Variants in PDE2A observed in about 807,000 individuals in gnomAD.
PDE2A encodes the protein cGMP-dependent 3',5'-cyclic phosphodiesterase.
Under a neutral mutation model 133.6 loss-of-function variants are expected in PDE2A, and 53 were observed. That is an observed-to-expected ratio of 0.40 (90% CI 0.32 to 0.50). The LOEUF (loss-of-function observed/expected upper bound fraction) is 0.50. Ranked by LOEUF, PDE2A falls within the 20% of genes least tolerant of loss-of-function variation. PDE2A has a pLI of 0.73. For synonymous variants in PDE2A, 491 were observed against 490.2 expected (o/e 1.00, Z -0.02); for missense variants, 796 against 1,232.4 (o/e 0.65, Z 5.30).
chr11:72,589,063 C>A, intron 12 of PDE2A, 112 bp downstream of exon 12: 1 of 1,237,436 alleles, frequency 8.1e-7, no homozygotes, highest in Non-Finnish European at 1.2e-6. Flanking sequence ...GTAGAAAGTC[C>A]CCAGGTCTTA....
intron 1 of PDE2A, among the ~76,000 whole-genome samples, chr11:72,657,491 C>T (rs1406796312): frequency 6.6e-6 from 1 of 152,192 alleles, no homozygotes; most frequent in Non-Finnish European, 1.5e-5. Context: ...ACTCCTCCAT[C>T]TCCCTCAGGC....
At chr11:72,627,051 C>T (rs1259294951) in intron 2 of PDE2A, among the ~76,000 whole-genome samples, 1 of 152,204 alleles carries the variant, frequency 6.6e-6, no homozygotes, top group Non-Finnish European at 1.5e-5. Context: ...CCCTCTCCAT[C>T]CTTCAAAGTT....
rs877133 is a variant in PDE2A, at chr11:72,636,979, C to G, written c.144+5275G>C. On this transcript the variant is annotated intron_variant, in intron 2 of 30. Coordinates refer to ENST00000334456, the MANE Select transcript of PDE2A (RefSeq NM_002599.5). Reference sequence around the variant, plus strand: ...GCCAGCTTTACCAGTCCCCATCCCCCCGGACCCAGCCGGCTGGCACCCAGG... The same window carrying G: ...GCCAGCTTTACCAGTCCCCATCCCCGCGGACCCAGCCGGCTGGCACCCAGG... 8.3e-3 allele frequency among the ~76,000 whole-genome samples: 1,271 copies of G among 152,350 alleles called. 14 individuals are homozygous for G. Among genetic ancestry groups the G allele is most frequent in the African/African-American group, 0.029 (1,197 of 41,582 alleles).
chr11:72,657,789 C>T (rs1854938703), intron 1 of PDE2A: 1 of 454,326 alleles, frequency 2.2e-6, no homozygotes, highest in Non-Finnish European at 4.4e-6. Context: ...GCCCTTCCCT[C>T]AGCCTCCCAA....
At chr11:72,609,093 A>T (rs1016360257) in intron 2 of PDE2A, among the ~76,000 whole-genome samples, 1 of 152,148 alleles carries the variant, frequency 6.6e-6, no homozygotes, top group African/African-American at 2.4e-5. Flanking sequence ...CAAGGCTCCA[A>T]ATTAAAACAA....
At chr11:72,631,070 G>C (rs1477209318) in intron 2 of PDE2A, 1 of 1,541,078 alleles carries the variant, frequency 6.5e-7, no homozygotes, top group Non-Finnish European at 8.8e-7. Flanking sequence ...CCTCCACTGA[G>C]CTCTCACCTC....
At position 72,590,297 on chromosome 11, in the gene PDE2A, C is replaced by G. The variant is rs1856178269; in HGVS notation, c.704-53G>C. Reference sequence around the variant, plus strand: ...GAGGGCCCCTCCGCACCTCCGTGTCCGGGTCCCTCAGGCGCCGCTCAGCTC... The same window carrying G: ...GAGGGCCCCTCCGCACCTCCGTGTCGGGGTCCCTCAGGCGCCGCTCAGCTC... On this transcript the variant is annotated intron_variant, in intron 8 of 30. Coordinates refer to ENST00000334456, the MANE Select transcript of PDE2A (RefSeq NM_002599.5). The surrounding 1 kb of genome is among the most constrained non-coding windows in gnomAD (Gnocchi z 4.8). The G allele has an allele frequency of 1.3e-6, 2 of 1,542,824 alleles. No homozygotes were observed. Among genetic ancestry groups the G allele is most frequent in the Non-Finnish European group, 8.8e-7 (1 of 1,139,830 alleles).
Position 72,605,158 on chromosome 11 carries a change from C to A in PDE2A, c.303G>T (p.Leu101=), listed in dbSNP as rs775895480. 2 of 1,609,878 alleles carry A rather than the reference C, an allele frequency of 1.2e-6. No individual in the cohort carries two copies. The highest frequency in any genetic ancestry group is 1.7e-6 in the Non-Finnish European group (2 of 1,177,382). The part of the protein sequence containing the change: ...QLVCEDPPHE[L]PQEGKVREAI... ...CTCACCGGACTTTCCCCTCCTGGGG[C>A]AGCTCATGTGGGGGGTCCTCACACA... Residue 101 remains leucine, a synonymous_variant, in exon 4 of 31, where the codon CTG becomes CTT. Coordinates refer to ENST00000334456, the MANE Select transcript of PDE2A (RefSeq NM_002599.5).
rs1252207508 is a variant in PDE2A, at chr11:72,582,477, G to A, written c.1818C>T (p.Thr606=). Residue 606 remains threonine (T), a synonymous_variant, in exon 21 of 31, where the codon ACC becomes ACT. Coordinates refer to ENST00000334456, the MANE Select transcript of PDE2A (RefSeq NM_002599.5). Reference sequence around the variant, plus strand: ...TGTCATCCTCGGGCAGGGAACGAGGGGTATAGGTGAAACTTGCAAAATTGG... The same window carrying A: ...TGTCATCCTCGGGCAGGGAACGAGGAGTATAGGTGAAACTTGCAAAATTGG... ...IDSNFASFTY[T]PRSLPEDDTS... is the part of the protein sequence containing the mutation. 9 of 1,613,914 alleles carry A rather than the reference G, an allele frequency of 5.6e-6. No homozygotes were observed. The South Asian group carries it at 7.7e-5, about 14-fold the overall frequency.
rs372889033 is a variant in PDE2A, at chr11:72,586,061, G to A, written c.1182+9C>T. ...GGTGCCCGAGAGAGGCTGAAGGCAG[G>A]TCACTCACCTGGCACTCACACTTGA... On this transcript the variant is annotated intron_variant, in intron 14 of 30. Transcript: ENST00000334456. 7.2e-6 allele frequency: 11 copies of A among 1,536,434 alleles called. No homozygotes were observed. Among genetic ancestry groups the A allele is most frequent in the Non-Finnish European group, 9.9e-6 (11 of 1,114,504 alleles).
At position 72,578,181 on chromosome 11, in the gene PDE2A, C is replaced by G; in HGVS notation, c.2615+52G>C. ...CTGTGTTTCCTGTGATGTCCCCACT[C>G]CAGCCTACCCTCTCTGTGCAGGGTG... On this transcript the variant is annotated intron_variant, in intron 30 of 30. Coordinates refer to ENST00000334456, the MANE Select transcript of PDE2A (RefSeq NM_002599.5). The surrounding 1 kb of genome is among the most constrained non-coding windows in gnomAD (Gnocchi z 4.2). The G allele has an allele frequency of 1.7e-6, 2 of 1,182,976 alleles. No individual in the cohort carries two copies. Among genetic ancestry groups the G allele is most frequent in the East Asian group, 2.3e-5 (1 of 43,028 alleles). 73.3% of individuals were successfully genotyped at this position (1,182,976 alleles called of 1,614,324 possible). A position where few individuals can be genotyped will look rare whatever the true frequency, so the allele number is the denominator to read the frequency against.
chr11:72,579,812 T>C, intron 25 of PDE2A: 1 of 561,630 alleles, frequency 1.8e-6, no homozygotes, highest in Non-Finnish European at 3.2e-6. Flanking sequence ...TAGACCACTC[T>C]GAGCCTCAGA....
intron 6 of PDE2A, among the ~76,000 whole-genome samples, chr11:72,596,245 G>T (rs1856471988): frequency 6.6e-6 from 1 of 152,158 alleles, no homozygotes; most frequent in Admixed American, 6.5e-5. Flanking sequence ...ACCAAGGTTA[G>T]TGCTGCGTAC....
intron 16 of PDE2A, 43 bp downstream of exon 16, chr11:72,585,328 G>C: frequency 1.3e-6 from 2 of 1,546,586 alleles, no homozygotes; most frequent in South Asian, 2.2e-5. Context: ...GGGACTGAAG[G>C]CCACAGCCTC....
At chr11:72,624,861 A>G (rs1159002311) in intron 2 of PDE2A, among the ~76,000 whole-genome samples, 1 of 152,164 alleles carries the variant, frequency 6.6e-6, no homozygotes, top group Non-Finnish European at 1.5e-5. Flanking sequence ...GTACCCTATG[A>G]TCATGGTCAC....
intron 1 of PDE2A, among the ~76,000 whole-genome samples, chr11:72,653,483 A>G (rs1317858469): frequency 2.0e-5 from 3 of 152,122 alleles, no homozygotes; most frequent in East Asian, 3.9e-4. Context: ...CCCGACTCCC[A>G]GGGAGGGAGA....
At chr11:72,635,876 G>A in intron 2 of PDE2A, 2 of 694,066 alleles carry the variant, frequency 2.9e-6, no homozygotes, top group Non-Finnish European at 3.8e-6. Context: ...CTGCTCTTCA[G>A]CTCTGCCTGT....
Position 72,590,291 on chromosome 11 carries a change from C to A in PDE2A, c.704-47G>T, listed in dbSNP as rs181125949. On this transcript the variant is annotated intron_variant, in intron 8 of 30. Transcript: ENST00000334456. The surrounding 1 kb of genome is among the most constrained non-coding windows in gnomAD (Gnocchi z 4.8). Reference sequence around the variant, plus strand: ...CAGAGAGAGGGCCCCTCCGCACCTCCGTGTCCGGGTCCCTCAGGCGCCGCT... The same window carrying A: ...CAGAGAGAGGGCCCCTCCGCACCTCAGTGTCCGGGTCCCTCAGGCGCCGCT... 3.6e-4 allele frequency: 557 copies of A among 1,543,910 alleles called. 5 individuals are homozygous for A. The East Asian group carries it at 7.0e-3, about 19-fold the overall frequency.
chr11:72,585,040 G>T, intron 16 of PDE2A, 96 bp from the exon 17 acceptor site: 1 of 1,202,860 alleles, frequency 8.3e-7, no homozygotes, highest in Non-Finnish European at 1.2e-6. Flanking sequence ...TCCGAGGCCT[G>T]GGAGGAGTGC....
Sources: gnomAD v4.1 joint callset for allele counts (sites outside exome capture counted in the v4.1 genomes callset) on GRCh38, gnomAD v4.1.1 for gene constraint, Gnocchi (gnomAD v3.1) non-coding constraint, MANE v1.5 for transcripts, NCBI Gene and HGNC (gene_info 2026-07-23, HGNC 2026-07-21) for gene names.